TPRG1: variants seen among roughly 807,000 people sequenced by gnomAD.
TPRG1 encodes the protein tumor protein p63-regulated gene 1 protein.
In TPRG1, 29 loss-of-function variants were observed where a neutral mutation model predicts 29.3. The ratio of observed to expected loss-of-function variants is 0.99; its 90% CI spans 0.74 to 1.35. The LOEUF is 1.35. TPRG1 is among the 40% of genes most tolerant of loss of function. TPRG1 has a pLI of 0.00. For missense variants in TPRG1, 327 were observed against 335.0 expected (o/e 0.98, Z 0.19); for synonymous variants, 130 against 116.8 (o/e 1.11, Z -0.73).
intron 1 of TPRG1, among the ~76,000 whole-genome samples, chr3:189,100,444 C>T (rs886729388): frequency 2.6e-5 from 4 of 152,156 alleles, no homozygotes; most frequent in Non-Finnish European, 2.9e-5. Context: ...TCATGGGTCT[C>T]GGCTCTCTCT....
chr3:189,282,755 C>A (rs1281859618), intron 4 of TPRG1, among the ~76,000 whole-genome samples: 2 of 152,170 alleles, frequency 1.3e-5, no homozygotes, highest in African/African-American at 2.4e-5. Flanking sequence ...AAACCACAAT[C>A]CACTAAGCAA....
intron 3 of TPRG1, among the ~76,000 whole-genome samples, chr3:189,140,608 A>G (rs1345269239): frequency 6.6e-6 from 1 of 152,148 alleles, no homozygotes; most frequent in Non-Finnish European, 1.5e-5. Context: ...AGTCTCTTCT[A>G]AGGCAGCCCG....
chr3:189,284,344 CT>C (rs1279434366), intron 4 of TPRG1, among the ~76,000 whole-genome samples: 2 of 134,884 alleles, frequency 1.5e-5, no homozygotes, highest in Admixed American at 7.3e-5. Context: ...AATGCTATCC[CT>C]CCCCCCCCCT....
intron 4 of TPRG1, among the ~76,000 whole-genome samples, chr3:189,029,771 A>G (rs1713840690): frequency 1.3e-5 from 2 of 152,110 alleles, no homozygotes; most frequent in African/African-American, 2.4e-5. Context: ...CTGGATAATG[A>G]GAGAATTCTC....
intron 3 of TPRG1, among the ~76,000 whole-genome samples, chr3:189,144,433 T>C (rs557854394): frequency 2.0e-5 from 3 of 152,236 alleles, no homozygotes; most frequent in Non-Finnish European, 4.4e-5. Flanking sequence ...AATAGTGATG[T>C]GACTTCACAT....
At chr3:188,999,729 A>G (rs943035390) in intron 1 of TPRG1, among the ~76,000 whole-genome samples, 7 of 152,146 alleles carry the variant, frequency 4.6e-5, no homozygotes, top group Admixed American at 2.6e-4. Flanking sequence ...ATATTTGATT[A>G]TGTAAATGTA....
At chr3:189,228,013 C>T (rs1350856142) in intron 3 of TPRG1, among the ~76,000 whole-genome samples, 7 of 151,940 alleles carry the variant, frequency 4.6e-5, no homozygotes, top group Non-Finnish European at 7.4e-5. Flanking sequence ...CCCAGCTACT[C>T]GGGAGGCTGA....
chr3:189,208,476 T>A (rs1345079970), intron 2 of TPRG1, among the ~76,000 whole-genome samples: 2 of 152,216 alleles, frequency 1.3e-5, no homozygotes, highest in Non-Finnish European at 2.9e-5. Context: ...CAGGGTTTTG[T>A]GACTTTTCCA....
chr3:189,259,084 A>C (rs112860040), intron 4 of TPRG1, among the ~76,000 whole-genome samples: 1 of 152,132 alleles, frequency 6.6e-6, no homozygotes, highest in Non-Finnish European at 1.5e-5. Flanking sequence ...GTCTGCCCAG[A>C]TGGCCTCCCA....
At chr3:189,173,140 CA>C (rs931551170) in intron 1 of TPRG1, among the ~76,000 whole-genome samples, 3 of 151,932 alleles carry the variant, frequency 2.0e-5, no homozygotes. Flanking sequence ...TTTTCATGCT[CA>C]AAAGGTTATA....
At chr3:189,151,712 C>T (rs1725961413) in intron 5 of TPRG1, among the ~76,000 whole-genome samples, 1 of 152,004 alleles carries the variant, frequency 6.6e-6, no homozygotes, top group Non-Finnish European at 1.5e-5. Flanking sequence ...GAAACCCTGT[C>T]TCTACTAAAA....
At position 189,025,862 on chromosome 3, in the gene TPRG1, A is replaced by C. The variant is rs1259517699; in HGVS notation, c.-463+1916A>C. 3.3e-5 allele frequency among the ~76,000 whole-genome samples: 5 copies of C among 152,246 alleles called. 1 individual carries two copies. The highest frequency in any genetic ancestry group is 7.3e-5 in the Non-Finnish European group (5 of 68,046). On this transcript the variant is annotated intron_variant, in intron 4 of 10. Transcript: ENST00000433971. ...ATAACTTCATGTTGAACAGTGATCC[A>C]GAAAAAGTGCAAAATGGTGGATGAT...
rs1253052418 is a variant in TPRG1 at position 189,312,133 on chromosome 3, CTT to C, written c.633+1596_633+1597del. Reference sequence around the variant, plus strand: ...TCTTTCTTTGTTTCTTTCTTTCTTTCTTTCTTTCTTTCTTTCTTTCTTTCTTT... The same window carrying C: ...TCTTTCTTTGTTTCTTTCTTTCTTTCTCTTTCTTTCTTTCTTTCTTTCTTT... On this transcript the variant is annotated intron_variant, in intron 5 of 5. Coordinates refer to ENST00000345063, the MANE Select transcript of TPRG1 (RefSeq NM_198485.4). 1.7e-3 allele frequency among the ~76,000 whole-genome samples: 60 copies of C among 35,696 alleles called. 1 individual carries two copies. Among genetic ancestry groups the C allele is most frequent in the African/African-American group, 2.6e-3 (25 of 9,762 alleles). The allele number at this position is 35,696 out of a possible 152,430, so 23.4% of individuals were successfully genotyped here.
At chr3:189,309,984 G>A (rs1198144901) in intron 4 of TPRG1, 3 of 153,316 alleles carry the variant, frequency 2.0e-5, no homozygotes, top group African/African-American at 4.8e-5. Context: ...TATTGCTTCT[G>A]TGGAAACTGT....
At chr3:189,073,345 A>G (rs1203280627) in intron 4 of TPRG1, among the ~76,000 whole-genome samples, 2 of 152,238 alleles carry the variant, frequency 1.3e-5, no homozygotes, top group African/African-American at 4.8e-5. Flanking sequence ...CTGTTAACAC[A>G]GACACATACA....
chr3:189,161,941 A>G (rs762513278), intron 5 of TPRG1, among the ~76,000 whole-genome samples: 39 of 152,192 alleles, frequency 2.6e-4, no homozygotes, highest in Non-Finnish European at 4.0e-4. Flanking sequence ...TGAGGCTGTG[A>G]AAACTTTCTC....
At chr3:189,068,432 A>G (rs1290382885) in intron 4 of TPRG1, among the ~76,000 whole-genome samples, 1 of 152,176 alleles carries the variant, frequency 6.6e-6, no homozygotes, top group Admixed American at 6.5e-5. Context: ...TGAATGGATT[A>G]AAAAAAGATG....
chr3:189,252,811 T>C (rs1222905208), intron 4 of TPRG1, among the ~76,000 whole-genome samples: 1 of 152,188 alleles, frequency 6.6e-6, no homozygotes, highest in African/African-American at 2.4e-5. Context: ...AAATAAAGTT[T>C]TCATTTAAAG....
At chr3:189,180,103 C>T (rs557408583) in intron 1 of TPRG1, among the ~76,000 whole-genome samples, 5 of 152,216 alleles carry the variant, frequency 3.3e-5, no homozygotes, top group South Asian at 4.1e-4. Flanking sequence ...CATCAGATCC[C>T]GTGAGACTTA....
Sources: allele counts gnomAD v4.1 joint callset (sites outside exome capture counted in the v4.1 genomes callset), GRCh38; gene constraint gnomAD v4.1.1; transcripts MANE v1.5; gene names NCBI Gene and HGNC (gene_info 2026-07-23, HGNC 2026-07-21).